NTM: variants seen among roughly 807,000 people sequenced by gnomAD.
The protein encoded by NTM is neurotrimin.
A neutral mutation model predicts 42.1 loss-of-function variants in NTM; 13 were observed. The observed-to-expected ratio is 0.31, with a 90% confidence interval of 0.20 to 0.49. The LOEUF is 0.49. NTM is among the 20% of genes least tolerant of loss of function. The probability of loss-of-function intolerance (pLI) is 0.99; values close to 1 mark genes in which losing one functional copy is unlikely to be tolerated. For synonymous variants in NTM, 187 were observed against 179.2 expected (o/e 1.04, Z -0.35); for missense variants, 373 against 452.8 (o/e 0.82, Z 1.60).
intron 2 of NTM, among the ~76,000 whole-genome samples, chr11:131,999,105 C>T (rs556926643): frequency 2.6e-5 from 4 of 152,136 alleles, no homozygotes; most frequent in South Asian, 2.1e-4. Context: ...TTAACCATTA[C>T]CATCGTGTGT....
rs749070764 is a variant in NTM at position 132,310,237 on chromosome 11, A to C, written c.782+5A>C. ...GTGGTACAAGGATGACAAAAGGTAA[A>C]GCTTCCTTCTTTCCTATCCCACCCC... On this transcript the variant is annotated splice_donor_5th_base_variant and intron_variant, in intron 6 of 8. Coordinates refer to ENST00000683400, the MANE Select transcript of NTM (RefSeq NM_001352005.2). 6.3e-7 allele frequency: 1 copy of C among 1,591,300 alleles called. No homozygotes were observed.
chr11:132,120,018 AT>A (rs2064510905), intron 2 of NTM, among the ~76,000 whole-genome samples: 1 of 152,214 alleles, frequency 6.6e-6, no homozygotes, highest in African/African-American at 2.4e-5. Flanking sequence ...TCTCAGAAGA[AT>A]GCGATTCTGG....
intron 1 of NTM, among the ~76,000 whole-genome samples, chr11:131,636,105 T>C (rs928010777): frequency 2.0e-5 from 3 of 152,162 alleles, no homozygotes; most frequent in Admixed American, 6.5e-5. Context: ...CAAGAGGCTG[T>C]ATTTAAGCCC....
At chr11:132,261,429 C>T (rs988764043) in intron 4 of NTM, among the ~76,000 whole-genome samples, 2 of 152,202 alleles carry the variant, frequency 1.3e-5, no homozygotes, top group Non-Finnish European at 2.9e-5. Flanking sequence ...AGCACTGCAG[C>T]TTCCTCCTCC....
intron 1 of NTM, among the ~76,000 whole-genome samples, chr11:131,501,868 TGTGTGTGTGA>T (rs1274366460): frequency 6.8e-6 from 1 of 146,506 alleles, no homozygotes; most frequent in Non-Finnish European, 1.5e-5. Context: ...AAGGTATGTA[TGTGTGTGTGA>T]GTGTGTGTGT....
chr11:132,202,466 A>G (rs1197386777), intron 3 of NTM, among the ~76,000 whole-genome samples: 2 of 152,170 alleles, frequency 1.3e-5, no homozygotes, highest in Non-Finnish European at 2.9e-5. Context: ...CCATACATGG[A>G]AAACACGCAC....
chr11:131,508,771 A>C (rs1299202247), intron 1 of NTM, among the ~76,000 whole-genome samples: 1 of 141,112 alleles, frequency 7.1e-6, no homozygotes, highest in Non-Finnish European at 1.5e-5. Context: ...CATTCTCAGT[A>C]AACTATCGCA....
chr11:131,517,777 T>A (rs933901931), intron 1 of NTM, among the ~76,000 whole-genome samples: 2 of 152,174 alleles, frequency 1.3e-5, no homozygotes, highest in African/African-American at 4.8e-5. Context: ...AACTAGTTCA[T>A]TTTCCAGCCA....
chr11:132,191,856 A>C (rs768951720), intron 3 of NTM, among the ~76,000 whole-genome samples: 12 of 152,246 alleles, frequency 7.9e-5, no homozygotes, highest in African/African-American at 1.2e-4. Flanking sequence ...AAAATTTACT[A>C]TAAGAATTTT....
At chr11:131,873,536 G>GTA (rs1455496347) in intron 1 of NTM, among the ~76,000 whole-genome samples, 2 of 65,650 alleles carry the variant, frequency 3.0e-5, no homozygotes, top group African/African-American at 8.7e-5. Flanking sequence ...GTGTGTGTGT[G>GTA]TGTATATATA....
At chr11:131,512,374 T>C (rs1485476537) in intron 1 of NTM, among the ~76,000 whole-genome samples, 1 of 152,194 alleles carries the variant, frequency 6.6e-6, no homozygotes, top group Non-Finnish European at 1.5e-5. Flanking sequence ...TCTGCTCCCC[T>C]TGCTCTGTGC....
In NTM at chr11:131,649,099, C is replaced by T. The variant is rs144921492; in HGVS notation, c.83-262465C>T. Among the ~76,000 whole-genome samples the T allele has an allele frequency of 2.0e-3, 298 of 152,238 alleles. 3 individuals carry two copies. The highest frequency in any genetic ancestry group is 6.6e-3 in the African/African-American group (275 of 41,532). On this transcript the variant is annotated intron_variant, in intron 1 of 8. Transcript: ENST00000683400. ...GGAAGGTTGGTCACTCGAACAACTA[C>T]GTTTGTTCAGATAATCACTGGCACT...
intron 1 of NTM, among the ~76,000 whole-genome samples, chr11:131,498,599 C>T (rs1172421960): frequency 6.6e-6 from 1 of 152,062 alleles, no homozygotes; most frequent in East Asian, 1.9e-4. Flanking sequence ...TGCTCTTTCC[C>T]TCTGATCTTG....
chr11:131,996,789 G>T (rs1185153652), intron 2 of NTM, among the ~76,000 whole-genome samples: 1 of 152,070 alleles, frequency 6.6e-6, no homozygotes, highest in African/African-American at 2.4e-5. Flanking sequence ...CCCCTCTGAG[G>T]CACACCTGGC....
At chr11:131,962,563 C>G (rs2062335430) in intron 2 of NTM, among the ~76,000 whole-genome samples, 1 of 152,222 alleles carries the variant, frequency 6.6e-6, no homozygotes, top group Non-Finnish European at 1.5e-5. Context: ...CCCTCCAGAT[C>G]TGCTGGCATC....
chr11:131,657,446 G>A (rs1488655024), intron 1 of NTM, among the ~76,000 whole-genome samples: 2 of 152,222 alleles, frequency 1.3e-5, no homozygotes, highest in Admixed American at 6.5e-5. Flanking sequence ...GTAGCTGCTC[G>A]CAAAGGGCCA....
At chr11:132,046,270 C>T (rs911893634) in intron 2 of NTM, among the ~76,000 whole-genome samples, 4 of 152,054 alleles carry the variant, frequency 2.6e-5, no homozygotes, top group Admixed American at 6.6e-5. Flanking sequence ...TGCTATCATC[C>T]TGAGCTCTTC....
chr11:132,042,638 A>C (rs2077359330), intron 2 of NTM, among the ~76,000 whole-genome samples: 1 of 152,174 alleles, frequency 6.6e-6, no homozygotes, highest in Non-Finnish European at 1.5e-5. Context: ...GGAACACAAA[A>C]TTGGGTATGA....
chr11:131,682,406 G>A (rs918190682), intron 1 of NTM, among the ~76,000 whole-genome samples: 2 of 152,184 alleles, frequency 1.3e-5, no homozygotes, highest in Admixed American at 1.3e-4. Context: ...ATTCAGAAGA[G>A]CCTTCACCTG....
Sources: allele counts gnomAD v4.1 joint callset (sites outside exome capture counted in the v4.1 genomes callset), GRCh38; gene constraint gnomAD v4.1.1; transcripts MANE v1.5; gene names NCBI Gene and HGNC (gene_info 2026-07-23, HGNC 2026-07-21).